The following PPP6R3 variants were observed in gnomAD, a reference collection of about 807,000 sequenced individuals.
PPP6R3 encodes serine/threonine-protein phosphatase 6 regulatory subunit 3.
A neutral mutation model predicts 110.7 loss-of-function variants in PPP6R3; 38 were observed. The observed-to-expected ratio is 0.34, with a 90% CI of 0.26 to 0.45. PPP6R3 has a LOEUF of 0.45. PPP6R3 is among the 20% of genes least tolerant of loss of function. PPP6R3 has a pLI of 1.00. For missense variants in PPP6R3, 870 were observed against 1,062.4 expected (o/e 0.82, Z 2.52); for synonymous variants, 369 against 373.5 (o/e 0.99, Z 0.14).
intron 19 of PPP6R3, among the ~76,000 whole-genome samples, chr11:68,598,880 T>G (rs1172850812): frequency 2.0e-5 from 3 of 152,190 alleles, no homozygotes; most frequent in Non-Finnish European, 4.4e-5. Context: ...AAGCATTTAT[T>G]CCTTCTTGGT....
intron 1 of PPP6R3, among the ~76,000 whole-genome samples, chr11:68,511,972 C>T (rs966122886): frequency 6.6e-6 from 1 of 152,164 alleles, no homozygotes; most frequent in Non-Finnish European, 1.5e-5. Context: ...CCCATTGGAT[C>T]TCCTATTCCT....
At position 68,614,392 on chromosome 11, in the gene PPP6R3, C is replaced by T; in HGVS notation, c.*1275C>T. On this transcript the variant is annotated 3_prime_UTR_variant, in exon 24 of 24. Coordinates refer to ENST00000393800, the MANE Select transcript of PPP6R3 (RefSeq NM_001164161.2). ...GTGAAAGGGTTAAATTACTTCACCT[C>T]TTGCACTTTTAGATGCAAATCAGTT... 1.6e-6 allele frequency: 2 copies of T among 1,269,946 alleles called. No individual in the cohort carries two copies. The highest frequency in any genetic ancestry group is 2.0e-6 in the Non-Finnish European group (2 of 1,006,678). The allele number at this position is 1,269,946 out of a possible 1,614,324, so 78.7% of individuals were successfully genotyped here. A position where few individuals can be genotyped will look rare whatever the true frequency, so the allele number is the denominator to read the frequency against.
intron 1 of PPP6R3, among the ~76,000 whole-genome samples, chr11:68,510,959 C>G (rs1422351060): frequency 6.6e-6 from 1 of 152,136 alleles, no homozygotes; most frequent in Non-Finnish European, 1.5e-5. Flanking sequence ...GCACCTTCAT[C>G]CCTGTTTTCT....
rs189825265 is a variant in PPP6R3, at chr11:68,495,527, A to G, written c.-157-23974A>G. 5.3e-5 allele frequency among the ~76,000 whole-genome samples: 8 copies of G among 152,242 alleles called. No homozygotes were observed. The East Asian group carries it at 1.5e-3, about 29-fold the overall frequency. The stretch of plus-strand genomic sequence containing the variant: ...ATCCCGCTAGACCTAGGCAACCACT[A>G]CTGTACTTTCTGTTCCTATAGATGT... On this transcript the variant is annotated intron_variant, in intron 1 of 23. Transcript: ENST00000393800.
intron 7 of PPP6R3, among the ~76,000 whole-genome samples, chr11:68,557,623 A>C (rs1260075062): frequency 6.6e-6 from 1 of 151,874 alleles, no homozygotes; most frequent in Admixed American, 6.6e-5. Flanking sequence ...GGTTCAAGCG[A>C]TTCTCCTGCC....
intron 10 of PPP6R3, among the ~76,000 whole-genome samples, chr11:68,568,716 T>C (rs573244156): frequency 6.6e-6 from 1 of 152,206 alleles, no homozygotes; most frequent in South Asian, 2.1e-4. Context: ...TCTCATACAA[T>C]ACCCTGCACA....
intron 22 of PPP6R3, 44 bp from the exon 23 acceptor site, chr11:68,609,860 G>GGTGAT (rs1942467489): frequency 6.2e-7 from 1 of 1,610,894 alleles, no homozygotes; most frequent in African/African-American, 1.3e-5. Flanking sequence ...CCTAGGTGCT[G>GGTGAT]GTCCCTAGGG....
intron 6 of PPP6R3, among the ~76,000 whole-genome samples, chr11:68,553,851 T>A (rs896195993): frequency 6.6e-6 from 1 of 152,198 alleles, no homozygotes; most frequent in Non-Finnish European, 1.5e-5. Context: ...CATTTTCGAT[T>A]TGGGATGCTC....
intron 1 of PPP6R3, among the ~76,000 whole-genome samples, chr11:68,502,072 T>G (rs1364297485): frequency 6.6e-6 from 1 of 152,202 alleles, no homozygotes; most frequent in Non-Finnish European, 1.5e-5. Flanking sequence ...TGTACATGGT[T>G]AAAGATGATG....
Position 68,481,772 on chromosome 11 carries a change from A to T in PPP6R3, c.-158+20945A>T, listed in dbSNP as rs2098915091. On this transcript the variant is annotated intron_variant, in intron 1 of 23. Coordinates refer to ENST00000393800, the MANE Select transcript of PPP6R3 (RefSeq NM_001164161.2). ...CAGCCTGCCGTGCTTACTCACCTCCACTTGCAGGAGGCAGGTGTGTCTTTA... is the reference window on the plus strand; with the variant it reads ...CAGCCTGCCGTGCTTACTCACCTCCTCTTGCAGGAGGCAGGTGTGTCTTTA... Among the ~76,000 whole-genome samples, 3 of 152,138 alleles carry T rather than the reference A, an allele frequency of 2.0e-5. No individual in the cohort carries two copies. The South Asian group carries it at 6.2e-4, about 31-fold the overall frequency.
At chr11:68,523,720 C>A (rs1002688061) in intron 2 of PPP6R3, among the ~76,000 whole-genome samples, 13 of 78,706 alleles carry the variant, frequency 1.7e-4, no homozygotes, top group Admixed American at 7.2e-4. Context: ...CCCCCCCCCC[C>A]CTTTTTTTTT....
At chr11:68,588,104 C>T in intron 16 of PPP6R3, 80 bp downstream of exon 16, 2 of 1,289,594 alleles carry the variant, frequency 1.6e-6, no homozygotes, top group Non-Finnish European at 2.3e-6. Context: ...CTGCGGGATT[C>T]TTAGTCTTGA....
chr11:68,603,480 C>T lies in PPP6R3; in HGVS notation c.2438C>T (p.Ala813Val), dbSNP rs752639992. Reference sequence around the variant, plus strand: ...ACTGTAGATGCCAAGACAGAGACTGCGGTCTTCAAAAGGTAACCAGGGGTG... The same window carrying T: ...ACTGTAGATGCCAAGACAGAGACTGTGGTCTTCAAAAGGTAACCAGGGGTG... Reference protein sequence around the residue: ...SLTVDAKTETAVFKSEEGKLS... With the variant: ...SLTVDAKTETVVFKSEEGKLS... Residue 813 changes from alanine (A) to valine (V), a missense_variant, in exon 22 of 24, where the codon GCG becomes GTG. Physicochemically the swap from Ala to Val is moderately conservative, Grantham distance 64. Coordinates refer to ENST00000393800, the MANE Select transcript of PPP6R3 (RefSeq NM_001164161.2). 16 of 1,613,852 alleles carry T rather than the reference C, an allele frequency of 9.9e-6. No homozygotes were observed. The highest frequency in any genetic ancestry group is 1.6e-4 in the Middle Eastern group (1 of 6,084).
chr11:68,546,435 T>A (rs2153681842), intron 4 of PPP6R3, among the ~76,000 whole-genome samples: 1 of 152,312 alleles, frequency 6.6e-6, no homozygotes, highest in South Asian at 2.1e-4. Context: ...AGAGAGAGAA[T>A]ACACTTAAAA....
intron 2 of PPP6R3, among the ~76,000 whole-genome samples, chr11:68,533,672 A>G (rs953843755): frequency 2.8e-5 from 4 of 140,818 alleles, no homozygotes; most frequent in Non-Finnish European, 6.0e-5. Flanking sequence ...GCCACTGCAC[A>G]CCAGCCTGGG....
At chr11:68,523,600 G>T (rs921387485) in intron 2 of PPP6R3, among the ~76,000 whole-genome samples, 9 of 151,964 alleles carry the variant, frequency 5.9e-5, no homozygotes, top group Non-Finnish European at 1.2e-4. Context: ...ACCTTGGGGG[G>T]ATCTGTCGCA....
At chr11:68,575,554 C>T (rs2099527515) in intron 13 of PPP6R3, among the ~76,000 whole-genome samples, 1 of 152,162 alleles carries the variant, frequency 6.6e-6, no homozygotes, top group Admixed American at 6.5e-5. Context: ...TTAACTTGAC[C>T]ATGGAAAAAG....
intron 12 of PPP6R3, among the ~76,000 whole-genome samples, chr11:68,573,138 ATATATATATATATATAAT>A (rs1565934540): frequency 1.8e-5 from 2 of 111,130 alleles, no homozygotes; most frequent in South Asian, 3.3e-4. Flanking sequence ...ATATATATAT[ATATATATATATATATAAT>A]TTTTTTTTTT....
intron 1 of PPP6R3, among the ~76,000 whole-genome samples, chr11:68,484,873 C>T (rs180865314): frequency 1.3e-5 from 2 of 152,158 alleles, no homozygotes; most frequent in African/African-American, 4.8e-5. Flanking sequence ...AGGCATGAGC[C>T]ACAGCGCCCA....
Sources: allele counts gnomAD v4.1 joint callset (sites outside exome capture counted in the v4.1 genomes callset), GRCh38; gene constraint gnomAD v4.1.1; transcripts MANE v1.5; gene names NCBI Gene and HGNC (gene_info 2026-07-23, HGNC 2026-07-21).